The following SSC5D variants were observed in gnomAD, a reference collection of about 807,000 sequenced individuals.
SSC5D encodes the protein soluble scavenger receptor cysteine-rich domain-containing protein SSC5D.
Under a neutral mutation model 104.6 loss-of-function variants are expected in SSC5D, and 106 were observed. That is an observed-to-expected ratio of 1.01 (90% CI 0.87 to 1.19). The LOEUF is 1.19. Ranked by LOEUF, SSC5D falls within the 50% of genes most tolerant of loss-of-function variation. SSC5D has a pLI of 0.00. For missense variants in SSC5D, 1,993 were observed against 2,153.8 expected (o/e 0.93, Z 1.48); for synonymous variants, 860 against 883.5 (o/e 0.97, Z 0.47).
chr19:55,495,901 A>ATTTTTTTTTTT, intron 8 of SSC5D, among the ~76,000 whole-genome samples: 2 of 98,710 alleles, frequency 2.0e-5, no homozygotes, highest in African/African-American at 4.1e-5. Flanking sequence ...GAGCCTGGCT[A>ATTTTTTTTTTT]TTTTTTTTTT....
Position 55,493,832 on chromosome 19 carries a change from C to CG in SSC5D, c.1135dup (p.Ala379GlyfsTer14). 1.3e-6 allele frequency: 2 copies of CG among 1,549,508 alleles called. No homozygotes were observed. The highest frequency in any genetic ancestry group is 8.7e-7 in the Non-Finnish European group (1 of 1,146,648). ...GACCTTCGGTGTCGGGGAAACGAGA[C>CG]GGCCTTACGATTCTGCCCAGCTCGG... On this transcript the variant is annotated frameshift_variant, in exon 7 of 14. Transcript: ENST00000389623. LOFTEE classifies it high-confidence loss of function.
At chr19:55,490,435 C>CCAAGCAA in intron 5 of SSC5D, 27 bp downstream of exon 5, 1 of 729,188 alleles carries the variant, frequency 1.4e-6, no homozygotes, top group Admixed American at 3.0e-5. Flanking sequence ...CTCCCCCGAC[C>CCAAGCAA]CCAAGGCTGG....
rs1055326971 is a variant in SSC5D at position 55,517,360 on chromosome 19, A to G, written c.3084A>G (p.Arg1028=). The G allele has an allele frequency of 3.9e-6, 6 of 1,550,266 alleles. No individual in the cohort carries two copies. In the African/African-American group the frequency reaches 6.9e-5, roughly 18 times the overall value. The change falls in exon 14 of 14, where the codon CGA becomes CGG. Residue 1028 remains arginine, a synonymous_variant. Coordinates refer to ENST00000389623, the MANE Select transcript of SSC5D (RefSeq NM_001144950.2). ...CAGCGCTGACCTCTGACTCCAGTCG[A>G]GAGCTCACTCCCCACTCAGCCTTGA... ...PGPALTSDSS[R]ELTPHSALTS...
intron 13 of SSC5D, among the ~76,000 whole-genome samples, chr19:55,515,210 A>G (rs1328072831): frequency 6.6e-6 from 1 of 151,906 alleles, no homozygotes; most frequent in Non-Finnish European, 1.5e-5. Context: ...CCTGAACAAC[A>G]TAGTGAAACC....
In SSC5D at chr19:55,500,066, C is replaced by T. The variant is rs1987435886; in HGVS notation, c.1956C>T (p.Ser652=). ...CAGTGATGCCAACCACGAAACACTC[C>T]AGGGCCCAAAGCCCCCCAGACCTAA... ...QPPVMPTTKH[S]RAQSPPDLTS... The change falls in exon 10 of 14, where the codon TCC becomes TCT. Residue 652 remains serine, a synonymous_variant. Transcript: ENST00000389623. The surrounding 1 kb of genome is among the most constrained non-coding windows in gnomAD (Gnocchi z 4.6). 1 of 1,551,844 alleles carries T rather than the reference C, an allele frequency of 6.4e-7. No homozygotes were observed. Among genetic ancestry groups the T allele is most frequent in the Non-Finnish European group, 8.7e-7 (1 of 1,147,036 alleles).
At position 55,503,885 on chromosome 19, in the gene SSC5D, G is replaced by A. The variant is rs1300603931; in HGVS notation, c.2785+2684G>A. Among the ~76,000 whole-genome samples, 8 of 152,220 alleles carry A rather than the reference G, an allele frequency of 5.3e-5. No individual in the cohort carries two copies. Among genetic ancestry groups the A allele is most frequent in the Admixed American group, 5.2e-4 (8 of 15,288 alleles). On this transcript the variant is annotated intron_variant, in intron 12 of 13. Coordinates refer to ENST00000389623, the MANE Select transcript of SSC5D (RefSeq NM_001144950.2). This position sits in a 1 kb window ranked among gnomAD's most constrained non-coding sequence, Gnocchi z 4.0. ...GGGCCCGGGAATGGAGGGACGGGAT[G>A]GGGCAGGCGTTCATCTGCCTCGCAC...
At position 55,518,847 on chromosome 19, in the gene SSC5D, G is replaced by A; in HGVS notation, c.4571G>A (p.Gly1524Glu). Reference sequence around the variant, plus strand: ...CAGGAGCGCCAAGCCCTGCTGCTGGGGCTGACGCAGCTGGTAGAAGCTGCC... The same window carrying A: ...CAGGAGCGCCAAGCCCTGCTGCTGGAGCTGACGCAGCTGGTAGAAGCTGCC... ...ERQERQALLL[G>E]LTQLVEAARG... Residue 1524 changes from glycine (G) to glutamate (E), a missense_variant, in exon 14 of 14, where the codon GGG becomes GAG. Gly to Glu is a moderately conservative substitution (Grantham distance 98, BLOSUM62 -2). Coordinates refer to ENST00000389623, the MANE Select transcript of SSC5D (RefSeq NM_001144950.2). The A allele has an allele frequency of 1.3e-6, 2 of 1,550,356 alleles. No homozygotes were observed. The highest frequency in any genetic ancestry group is 1.7e-6 in the Non-Finnish European group (2 of 1,146,988).
At position 55,500,346 on chromosome 19, in the gene SSC5D, G is replaced by A; in HGVS notation, c.2236G>A (p.Glu746Lys). ...CCTGGAGCCATCTGCTGAGATCCCA[G>A]AAGGGTCTCCAGAGTCACCCAAAGA... ...ASLEPSAEIPEGSPESPKDPA... is the reference protein window; with the variant it reads ...ASLEPSAEIPKGSPESPKDPA... The change falls in exon 10 of 14, where the codon GAA (glutamate) becomes AAA (lysine). Residue 746 changes from glutamate to lysine, a missense_variant. Coordinates refer to ENST00000389623, the MANE Select transcript of SSC5D (RefSeq NM_001144950.2). The surrounding 1 kb of genome is among the most constrained non-coding windows in gnomAD (Gnocchi z 4.6). 1.9e-6 allele frequency: 3 copies of A among 1,551,516 alleles called. No homozygotes were observed. Among genetic ancestry groups the A allele is most frequent in the Non-Finnish European group, 2.6e-6 (3 of 1,147,000 alleles).
intron 12 of SSC5D, among the ~76,000 whole-genome samples, chr19:55,506,833 C>T (rs1324699350): frequency 6.6e-6 from 1 of 151,922 alleles, no homozygotes; most frequent in Non-Finnish European, 1.5e-5. Context: ...TGTTAGGGAG[C>T]AAAGCAGGGG....
chr19:55,509,655 G>A (rs1223381480), intron 12 of SSC5D, among the ~76,000 whole-genome samples: 9 of 150,908 alleles, frequency 6.0e-5, no homozygotes, highest in Non-Finnish European at 1.0e-4. Context: ...CCAGGAGTTC[G>A]AGACCAGCCT....
chr19:55,509,031 A>G (rs1987697780), intron 12 of SSC5D, among the ~76,000 whole-genome samples: 2 of 152,178 alleles, frequency 1.3e-5, no homozygotes, highest in Admixed American at 1.3e-4. Flanking sequence ...TTGCCAGGGA[A>G]GGAAGGGGTG....
chr19:55,517,725 A>G lies in SSC5D; in HGVS notation c.3449A>G (p.His1150Arg), dbSNP rs1230045343. ...TCCCCAGACCCCTCCCCAAGCCCTC[A>G]CCCCACTACTACCCCTGATCCCACC... Reference protein sequence around the residue: ...SRSPDPSPSPHPTTTPDPTMA... With the variant: ...SRSPDPSPSPRPTTTPDPTMA... Residue 1150 changes from histidine to arginine, a missense_variant, in exon 14 of 14, where the codon CAC becomes CGC. His to Arg is a conservative substitution (Grantham distance 29). Around this residue, in one of 6 missense-constraint regions of SSC5D, gnomAD observed 423 missense variants for 409.2 expected, o/e 1.03. Transcript: ENST00000389623. 2.0e-6 allele frequency: 3 copies of G among 1,521,948 alleles called. No homozygotes were observed. The highest frequency in any genetic ancestry group is 2.6e-6 in the Non-Finnish European group (3 of 1,136,672). The allele number at this position is 1,521,948 out of a possible 1,614,324, so 94.3% of individuals were successfully genotyped here.
chr19:55,489,002 C>CA lies in SSC5D; in HGVS notation c.26-4_26-3insA. On this transcript the variant is annotated splice_polypyrimidine_tract_variant and splice_region_variant and intron_variant, in intron 1 of 13. Coordinates refer to ENST00000389623, the MANE Select transcript of SSC5D (RefSeq NM_001144950.2). ...ACTGCCCCACCCTCCGCCCTCCCTT[C>CA]CAGCGGCCCTGGTGGGGATCCAGGC... The CA allele has an allele frequency of 6.7e-7, 1 of 1,488,976 alleles. No homozygotes were observed. The highest frequency in any genetic ancestry group is 8.9e-7 in the Non-Finnish European group (1 of 1,119,900). 92.2% of individuals were successfully genotyped at this position (1,488,976 alleles called of 1,614,324 possible). A position where few individuals can be genotyped will look rare whatever the true frequency, so the allele number is the denominator to read the frequency against.
rs552543227 is a variant in SSC5D, at chr19:55,491,178, C to T, written c.895+98C>T. The T allele has an allele frequency of 6.9e-5, 94 of 1,358,114 alleles. 1 individual carries two copies. In the South Asian group the frequency reaches 9.1e-4, roughly 13 times the overall value. The allele number at this position is 1,358,114 out of a possible 1,614,324, so 84.1% of individuals were successfully genotyped here. ...TGCAGCGGGCCTGCTCCCAGCTCTGCCTCCTGCCCGCCTGCTCTCTGCATG... is the reference window on the plus strand; with the variant it reads ...TGCAGCGGGCCTGCTCCCAGCTCTGTCTCCTGCCCGCCTGCTCTCTGCATG... On this transcript the variant is annotated intron_variant, in intron 6 of 13. Coordinates refer to ENST00000389623, the MANE Select transcript of SSC5D (RefSeq NM_001144950.2).
intron 12 of SSC5D, among the ~76,000 whole-genome samples, chr19:55,505,171 C>G (rs547325197): frequency 6.6e-6 from 1 of 151,584 alleles, no homozygotes; most frequent in African/African-American, 2.4e-5. Context: ...CGTTTAAAAC[C>G]GCAGAATATT....
chr19:55,514,419 AATAATAAT>A, intron 13 of SSC5D, among the ~76,000 whole-genome samples: 1 of 64,340 alleles, frequency 1.6e-5, no homozygotes, highest in South Asian at 4.0e-4. Context: ...TAATAATAAT[AATAATAAT>A]AATAATAATA....
rs1007697302 is a variant in SSC5D, at chr19:55,513,038, G to T, written c.2813G>T (p.Trp938Leu). 2 of 1,552,048 alleles carry T rather than the reference G, an allele frequency of 1.3e-6. No individual in the cohort carries two copies. The highest frequency in any genetic ancestry group is 2.7e-5 in the African/African-American group (2 of 73,144). Residue 938 changes from tryptophan to leucine, a missense_variant, in exon 13 of 14, where the codon TGG (tryptophan) becomes TTG (leucine). This residue lies in a region of SSC5D where 423 missense variants were observed against 409.2 expected (regional missense o/e 1.03). Transcript: ENST00000389623. ...AGCAAAGATGGTTACAAGCTTCCCTGGACGTGGGACACACCATCAGGAAGG... is the reference window on the plus strand; with the variant it reads ...AGCAAAGATGGTTACAAGCTTCCCTTGACGTGGGACACACCATCAGGAAGG... The part of the protein sequence containing the change: ...TGSKDGYKLP[W>L]TWDTPSGRGL...
At chr19:55,513,237 C>G (rs1396269387) in intron 13 of SSC5D, 65 bp downstream of exon 13, 7 of 1,394,116 alleles carry the variant, frequency 5.0e-6, no homozygotes, top group East Asian at 5.2e-5. Context: ...GAGACAGATT[C>G]CAGACTCCCC....
Position 55,503,871 on chromosome 19 carries a change from T to A in SSC5D, c.2785+2670T>A, listed in dbSNP as rs1273666401. Among the ~76,000 whole-genome samples, 1 of 151,952 alleles carries A rather than the reference T, an allele frequency of 6.6e-6. No individual in the cohort carries two copies. The highest frequency in any genetic ancestry group is 2.4e-5 in the African/African-American group (1 of 41,344). On this transcript the variant is annotated intron_variant, in intron 12 of 13. Transcript: ENST00000389623. This position sits in a 1 kb window ranked among gnomAD's most constrained non-coding sequence, Gnocchi z 4.0. The stretch of plus-strand genomic sequence containing the variant: ...TGCGCAGGCGCGGTGGGCCCGGGAA[T>A]GGAGGGACGGGATGGGGCAGGCGTT...
Sources: allele counts gnomAD v4.1 joint callset (sites outside exome capture counted in the v4.1 genomes callset), GRCh38; gene constraint gnomAD v4.1.1; regional missense constraint gnomAD v4.1.1; non-coding constraint Gnocchi (gnomAD v3.1); transcripts MANE v1.5; gene names NCBI Gene and HGNC (gene_info 2026-07-23, HGNC 2026-07-21).